Variants in CNGB1 observed in about 807,000 individuals in gnomAD.
CNGB1 encodes cyclic nucleotide-gated channel beta-1.
CNGB1 carries 126 observed loss-of-function variants against 151.7 expected under a neutral mutation model. The observed-to-expected ratio is 0.83, with a 90% CI of 0.72 to 0.96. CNGB1 has a LOEUF of 0.96. Ranked by LOEUF, CNGB1 falls within the 40% of genes least tolerant of loss-of-function variation. The pLI is 0.00. For missense variants in CNGB1, 1,698 were observed against 1,627.0 expected (o/e 1.04, Z -0.75); for synonymous variants, 623 against 635.1 (o/e 0.98, Z 0.29).
intron 17 of CNGB1, among the ~76,000 whole-genome samples, chr16:57,930,203 T>G (rs1451956300): frequency 1.3e-5 from 2 of 151,892 alleles, no homozygotes; most frequent in African/African-American, 2.4e-5. Context: ...AACAGATAAA[T>G]AAAGAAAATG....
At chr16:57,898,636 G>A (rs142064727) in intron 29 of CNGB1, among the ~76,000 whole-genome samples, 8,784 of 152,186 alleles carry the variant, frequency 0.058, 761 homozygotes, top group African/African-American at 0.19. Context: ...GGCTGGTCTC[G>A]AACTCCTGGC....
intron 12 of CNGB1, among the ~76,000 whole-genome samples, chr16:57,953,246 C>G (rs1022110059): frequency 6.6e-6 from 1 of 152,256 alleles, no homozygotes; most frequent in East Asian, 1.9e-4. Flanking sequence ...CCTGTAATCC[C>G]GGCACTTTGG....
At chr16:57,914,726 C>A (rs921258203) in intron 23 of CNGB1, among the ~76,000 whole-genome samples, 1 of 152,180 alleles carries the variant, frequency 6.6e-6, no homozygotes, top group African/African-American at 2.4e-5. Flanking sequence ...GCTGGAATGA[C>A]ACTGAGGCCT....
chr16:57,958,512 T>C (rs1224859577), intron 10 of CNGB1, 27 bp from the exon 11 acceptor site: 1 of 1,603,732 alleles, frequency 6.2e-7, no homozygotes, highest in Admixed American at 1.7e-5. Context: ...GTGTGCGGTG[T>C]CCAGGTGGGA....
At chr16:57,888,469 C>CTCTG (rs1274840679) in intron 31 of CNGB1, among the ~76,000 whole-genome samples, 1 of 108,692 alleles carries the variant, frequency 9.2e-6, no homozygotes, top group African/African-American at 4.7e-5. Context: ...CTGTCTCTGT[C>CTCTG]TCTCTCTCTC....
intron 18 of CNGB1, among the ~76,000 whole-genome samples, 187 bp from the exon 19 acceptor site, chr16:57,920,731 C>T (rs1596980212): frequency 2.0e-5 from 3 of 152,286 alleles, no homozygotes; most frequent in African/African-American, 7.2e-5. Context: ...AAATTCAGTC[C>T]GGGAATAATG....
rs969186998 is a variant in CNGB1, at chr16:57,952,626, G to A, written c.875-2086C>T. Reference sequence around the variant, plus strand: ...AGCAATTCTCGTGCCTCAGCTTCCCGAGTAGCTGGGATTACAGGCATGCAC... The same window carrying A: ...AGCAATTCTCGTGCCTCAGCTTCCCAAGTAGCTGGGATTACAGGCATGCAC... On this transcript the variant is annotated intron_variant, in intron 12 of 32. Coordinates refer to ENST00000251102, the MANE Select transcript of CNGB1 (RefSeq NM_001297.5). 4.8e-5 allele frequency among the ~76,000 whole-genome samples: 7 copies of A among 145,384 alleles called. No individual in the cohort carries two copies. The East Asian group carries it at 1.3e-3, about 27-fold the overall frequency.
intron 20 of CNGB1, among the ~76,000 whole-genome samples, chr16:57,918,628 C>T (rs1290085899): frequency 2.0e-5 from 3 of 152,136 alleles, no homozygotes; most frequent in Non-Finnish European, 4.4e-5. Flanking sequence ...GCATCTTTAC[C>T]CTGGCTGACT....
intron 3 of CNGB1, 45 bp downstream of exon 3, chr16:57,964,442 G>A (rs1035260069): frequency 4.4e-6 from 7 of 1,608,644 alleles, no homozygotes; most frequent in African/African-American, 4.0e-5. Context: ...GGGAGAATGC[G>A]GGCCCCCCTG....
chr16:57,938,719 G>A (rs1314421080), intron 16 of CNGB1, among the ~76,000 whole-genome samples: 6 of 152,252 alleles, frequency 3.9e-5, no homozygotes, highest in Middle Eastern at 3.4e-3. Context: ...CTCACAGAGC[G>A]GCTGAAGACC....
intron 25 of CNGB1, among the ~76,000 whole-genome samples, chr16:57,909,225 G>C (rs1960640644): frequency 6.6e-6 from 1 of 152,108 alleles, no homozygotes; most frequent in Non-Finnish European, 1.5e-5. Context: ...CTGAGATCAT[G>C]CTGCTGTACT....
At chr16:57,896,570 G>A (rs972346284) in intron 31 of CNGB1, among the ~76,000 whole-genome samples, 17 of 151,876 alleles carry the variant, frequency 1.1e-4, no homozygotes, top group African/African-American at 9.7e-5. Flanking sequence ...AAAATTAGCC[G>A]GGCGTGGTGG....
In CNGB1 at chr16:57,917,365, T is replaced by C; in HGVS notation, c.2069A>G (p.His690Arg). 6.2e-7 allele frequency: 1 copy of C among 1,614,004 alleles called. No individual in the cohort carries two copies. The highest frequency in any genetic ancestry group is 8.5e-7 in the Non-Finnish European group (1 of 1,180,008). ...FPYQTPDNIHHWLLMDYLCDL... is the reference protein window; with the variant it reads ...FPYQTPDNIHRWLLMDYLCDL... The stretch of plus-strand genomic sequence containing the variant: ...GCATAGGTAATCCATCAGCAGCCAG[T>C]GGTGGATGTTGTCCGGGGTCTGGTA... The change falls in exon 21 of 33, where the codon CAC (histidine) becomes CGC (arginine). Residue 690 changes from histidine (H) to arginine (R), a missense_variant. Physicochemically the swap from His to Arg is conservative, Grantham distance 29 (BLOSUM62 0). Transcript: ENST00000251102.
Position 57,918,199 on chromosome 16 carries a change from TC to T in CNGB1, c.1958-724del, listed in dbSNP as rs1470893913. On this transcript the variant is annotated intron_variant, in intron 20 of 32. Transcript: ENST00000251102. The stretch of plus-strand genomic sequence containing the variant: ...TATGTTGCCCAGGCTGATCTTGAAC[TC>T]CTGGGCTCAAGCAGTTCTTTCACTA... 2.0e-5 allele frequency among the ~76,000 whole-genome samples: 3 copies of T among 152,030 alleles called. No individual in the cohort carries two copies. In the East Asian group the frequency reaches 5.8e-4, roughly 29 times the overall value.
chr16:57,923,168 G>T, intron 18 of CNGB1, 105 bp downstream of exon 18: 1 of 827,018 alleles, frequency 1.2e-6, no homozygotes, highest in Non-Finnish European at 1.9e-6. Flanking sequence ...CACTGGCAAA[G>T]TCTGCCTTGC....
At chr16:57,902,195 C>T (rs1184727577) in intron 27 of CNGB1, among the ~76,000 whole-genome samples, 1 of 152,022 alleles carries the variant, frequency 6.6e-6, no homozygotes, top group Non-Finnish European at 1.5e-5. Flanking sequence ...CTCAGCTTCC[C>T]GAGTTGCTGG....
chr16:57,917,179 T>C lies in CNGB1; in HGVS notation c.2166+89A>G, dbSNP rs1310982869. The C allele has an allele frequency of 6.6e-5, 70 of 1,062,972 alleles. No individual in the cohort carries two copies. The Admixed American group carries it at 1.4e-3, about 21-fold the overall frequency. The allele number at this position is 1,062,972 out of a possible 1,614,324, so 65.8% of individuals were successfully genotyped here. A position where few individuals can be genotyped will look rare whatever the true frequency, so the allele number is the denominator to read the frequency against. ...ATTTCCTTATTCACTTATTTTGTCA[T>C]CTATGACAGCATCAGGGGTCAGTGC... On this transcript the variant is annotated intron_variant, in intron 21 of 32. Coordinates refer to ENST00000251102, the MANE Select transcript of CNGB1 (RefSeq NM_001297.5).
rs1198419665 is a variant in CNGB1, at chr16:57,920,554, C to T, written c.1644-10G>A. On this transcript the variant is annotated splice_polypyrimidine_tract_variant and intron_variant, in intron 18 of 32. Coordinates refer to ENST00000251102, the MANE Select transcript of CNGB1 (RefSeq NM_001297.5). ...CGCACGGTCCTGGCCACTGTGGGAA[C>T]ATCACCCAAAGCTGAGCAGGCTGAG... 1.2e-5 allele frequency: 20 copies of T among 1,611,312 alleles called. No individual in the cohort carries two copies. The highest frequency in any genetic ancestry group is 1.7e-5 in the Non-Finnish European group (20 of 1,179,998).
At position 57,903,987 on chromosome 16, in the gene CNGB1, G is replaced by A. The variant is rs562454960; in HGVS notation, c.2635-6C>T. 1.9e-6 allele frequency: 3 copies of A among 1,613,450 alleles called. No homozygotes were observed. The highest frequency in any genetic ancestry group is 2.2e-5 in the East Asian group (1 of 44,864). ...GCCCCTACCACATCTCTCATCTGGGGGAAGGGTTATGGGAGGTCAAGGAAG... is the reference window on the plus strand; with the variant it reads ...GCCCCTACCACATCTCTCATCTGGGAGAAGGGTTATGGGAGGTCAAGGAAG... On this transcript the variant is annotated splice_polypyrimidine_tract_variant and splice_region_variant and intron_variant, in intron 26 of 32. Coordinates refer to ENST00000251102, the MANE Select transcript of CNGB1 (RefSeq NM_001297.5).
Sources: gnomAD v4.1 joint callset for allele counts (sites outside exome capture counted in the v4.1 genomes callset) on GRCh38, gnomAD v4.1.1 for gene constraint, MANE v1.5 for transcripts, NCBI Gene and HGNC (gene_info 2026-07-23, HGNC 2026-07-21) for gene names.